Variants in CD180 observed in about 807,000 individuals in gnomAD.
CD180 encodes the protein CD180 molecule.
In CD180, 11 loss-of-function variants were observed where a neutral mutation model predicts 10.7. The ratio of observed to expected loss-of-function variants is 1.03; its 90% confidence interval spans 0.65 to 1.70. The LOEUF (loss-of-function observed/expected upper bound fraction) is 1.70, where lower values mean the gene tolerates loss of function less well. Ranked by LOEUF, CD180 falls within the 40% of genes most tolerant of loss-of-function variation. CD180 has a pLI of 0.00. For missense variants in CD180, 729 were observed against 775.2 expected (o/e 0.94, Z 0.71); for synonymous variants, 286 against 294.6 (o/e 0.97, Z 0.30).
At position 67,185,175 on chromosome 5, in the gene CD180, A is replaced by G. The variant is rs192469659; in HGVS notation, c.258-590T>C. Among the ~76,000 whole-genome samples the G allele has an allele frequency of 2.1e-3, 316 of 151,062 alleles. 5 individuals carry two copies. Among genetic ancestry groups the G allele is most frequent in the African/African-American group, 7.1e-3 (292 of 40,970 alleles). ...CTGGTGCTTTTAAAGATGAAGCGGT[A>G]GTATGGATGTGGACATCCTGTCCAC... On this transcript the variant is annotated intron_variant, in intron 2 of 2. Coordinates refer to ENST00000256447, the MANE Select transcript of CD180 (RefSeq NM_005582.3).
Position 67,183,245 on chromosome 5 carries a change from G to T in CD180, c.1598C>A (p.Thr533Lys). The change falls in exon 3 of 3, where the codon ACA becomes AAA. Residue 533 changes from threonine (T) to lysine (K), a missense_variant. Physicochemically the swap from Thr to Lys is moderately conservative, Grantham distance 78 (BLOSUM62 -1). Transcript: ENST00000256447. ...SHVDLSHNSL[T>K]CDSIDSLSHL... ...GCTAAGAGAATCAATGCTGTCGCAT[G>T]TCAGGCTGTTGTGGCTTAAGTCTAC... The T allele has an allele frequency of 1.9e-6, 3 of 1,614,146 alleles. No individual in the cohort carries two copies. Among genetic ancestry groups the T allele is most frequent in the Non-Finnish European group, 2.5e-6 (3 of 1,180,012 alleles).
rs768039902 is a variant in CD180, at chr5:67,182,881, G to A, written c.1962C>T (p.Leu654=). 2 of 1,608,616 alleles carry A rather than the reference G, an allele frequency of 1.2e-6. No homozygotes were observed. The highest frequency in any genetic ancestry group is 1.1e-5 in the South Asian group (1 of 90,294). The change falls in exon 3 of 3, where the codon CTC becomes CTT. Residue 654 remains leucine (L), a synonymous_variant. Coordinates refer to ENST00000256447, the MANE Select transcript of CD180 (RefSeq NM_005582.3). ...ILLFFAVKYL[L]RWKYQHI ...ACTAAATGTGTTGGTATTTCCACCTGAGAAGGTATTTAACTGCAAAAAATA... is the reference window on the plus strand; with the variant it reads ...ACTAAATGTGTTGGTATTTCCACCTAAGAAGGTATTTAACTGCAAAAAATA...
chr5:67,182,217 A>G lies in CD180; in HGVS notation c.*640T>C, dbSNP rs993259607. On this transcript the variant is annotated 3_prime_UTR_variant, in exon 3 of 3. Coordinates refer to ENST00000256447, the MANE Select transcript of CD180 (RefSeq NM_005582.3). ...TAGCCATTCACACCCTAGGGGCATT[A>G]CAGAGACCTTACAGACCTAAGGATT... The G allele has an allele frequency of 9.9e-5, 15 of 152,212 alleles. No individual in the cohort carries two copies. Among genetic ancestry groups the G allele is most frequent in the African/African-American group, 1.9e-4 (8 of 41,452 alleles). 9.4% of individuals were successfully genotyped at this position (152,212 alleles called of 1,614,324 possible). A position where few individuals can be genotyped will look rare whatever the true frequency, so the allele number is the denominator to read the frequency against.
intron 1 of CD180, 62 bp downstream of exon 1, chr5:67,196,490 G>A (rs577064696): frequency 2.0e-5 from 30 of 1,532,308 alleles, no homozygotes; most frequent in Middle Eastern, 1.7e-4. Context: ...ATTGGACTGC[G>A]TGCTAAATCT....
rs1742053512 is a variant in CD180 at position 67,181,846 on chromosome 5, A to C, written c.*1011T>G. The C allele has an allele frequency of 1.3e-5, 2 of 152,176 alleles. No individual in the cohort carries two copies. Among genetic ancestry groups the C allele is most frequent in the African/African-American group, 4.8e-5 (2 of 41,434 alleles). The allele number at this position is 152,176 out of a possible 1,614,324, so 9.4% of individuals were successfully genotyped here. A position where few individuals can be genotyped will look rare whatever the true frequency, so the allele number is the denominator to read the frequency against. The stretch of plus-strand genomic sequence containing the variant: ...CCAGCCTCAACAGAAACCACTTCTC[A>C]CTAAGCCAGCTTTACTGTGTTCCCA... On this transcript the variant is annotated 3_prime_UTR_variant, in exon 3 of 3. Transcript: ENST00000256447.
chr5:67,188,428 G>A (rs1420400810), intron 1 of CD180, among the ~76,000 whole-genome samples: 2 of 152,182 alleles, frequency 1.3e-5, no homozygotes, highest in Non-Finnish European at 2.9e-5. Flanking sequence ...GGACATCCCA[G>A]GACCTTGGGC....
At chr5:67,189,458 G>C (rs926447984) in intron 1 of CD180, among the ~76,000 whole-genome samples, 2 of 152,206 alleles carry the variant, frequency 1.3e-5, no homozygotes, top group African/African-American at 4.8e-5. Context: ...GCCACCATAA[G>C]CCTGTGCCAT....
At chr5:67,191,462 G>A (rs1379843406) in intron 1 of CD180, among the ~76,000 whole-genome samples, 6 of 152,164 alleles carry the variant, frequency 3.9e-5, no homozygotes, top group African/African-American at 1.2e-4. Context: ...TCAAAAAAGA[G>A]CTCTGCTAAC....
intron 1 of CD180, among the ~76,000 whole-genome samples, chr5:67,191,730 C>T (rs1021647568): frequency 1.3e-5 from 2 of 152,018 alleles, no homozygotes; most frequent in African/African-American, 2.4e-5. Context: ...TATATAGGGA[C>T]ACAAACATTC....
intron 1 of CD180, among the ~76,000 whole-genome samples, chr5:67,189,984 CA>C (rs1185627455): frequency 6.6e-6 from 1 of 152,102 alleles, no homozygotes; most frequent in Non-Finnish European, 1.5e-5. Flanking sequence ...CCAATTGTCC[CA>C]TTATTGTTCT....
chr5:67,191,034 G>A lies in CD180; in HGVS notation c.91-5017C>T, dbSNP rs1338234547. The stretch of plus-strand genomic sequence containing the variant: ...CCTCCAACGCTTCCTCATTAAGCAT[G>A]CCTCCATCCAAGATAGAGCAAGTCG... On this transcript the variant is annotated intron_variant, in intron 1 of 2. Coordinates refer to ENST00000256447, the MANE Select transcript of CD180 (RefSeq NM_005582.3). The A allele has an allele frequency of 2.2e-5, 22 of 985,300 alleles. 1 individual carries two copies. The South Asian group carries it at 8.9e-4, about 40-fold the overall frequency. The allele number at this position is 985,300 out of a possible 1,614,324, so 61.0% of individuals were successfully genotyped here. A position where few individuals can be genotyped will look rare whatever the true frequency, so the allele number is the denominator to read the frequency against.
intron 1 of CD180, among the ~76,000 whole-genome samples, chr5:67,190,172 C>T (rs1047279391): frequency 6.6e-6 from 1 of 152,126 alleles, no homozygotes; most frequent in African/African-American, 2.4e-5. Context: ...TTTGTATGTT[C>T]CTCATAATTT....
At chr5:67,195,964 A>C (rs1019381762) in intron 1 of CD180, among the ~76,000 whole-genome samples, 38 of 152,210 alleles carry the variant, frequency 2.5e-4, no homozygotes, top group African/African-American at 8.9e-4. Flanking sequence ...TATCCCCTCC[A>C]AGAACTTCCC....
At position 67,180,451 on chromosome 5, in the gene CD180, G is replaced by C. The variant is rs529098763; in HGVS notation, c.*2406C>G. On this transcript the variant is annotated 3_prime_UTR_variant, in exon 3 of 3. Transcript: ENST00000256447. ...TGCTGTCTAAGACTGGATTCTTAGAGTTTGGACCTTCCACATTTTACATGG... is the reference window on the plus strand; with the variant it reads ...TGCTGTCTAAGACTGGATTCTTAGACTTTGGACCTTCCACATTTTACATGG... 43 of 152,332 alleles carry C rather than the reference G, an allele frequency of 2.8e-4. No individual in the cohort carries two copies. In the East Asian group the frequency reaches 8.1e-3, roughly 29 times the overall value. 9.4% of individuals were successfully genotyped at this position (152,332 alleles called of 1,614,324 possible).
chr5:67,191,154 C>A (rs1385051095), intron 1 of CD180: 1 of 936,028 alleles, frequency 1.1e-6, no homozygotes, highest in Non-Finnish European at 1.3e-6. Flanking sequence ...CAATCTGATT[C>A]CTCCAGGCAA....
At position 67,184,066 on chromosome 5, in the gene CD180, A is replaced by G; in HGVS notation, c.777T>C (p.Asp259=). The change falls in exon 3 of 3, where the codon GAT becomes GAC. Residue 259 remains aspartate, a synonymous_variant. Transcript: ENST00000256447. The stretch of plus-strand genomic sequence containing the variant: ...GCATGGCTGAACTAATATCTTCGTC[A>G]TCAATGTCCTCAAATGTTCCCAGCC... ...SLWLGTFEDI[D]DEDISSAMLK... is the part of the protein sequence containing the mutation. 1 of 1,614,216 alleles carries G rather than the reference A, an allele frequency of 6.2e-7. No homozygotes were observed. The highest frequency in any genetic ancestry group is 8.5e-7 in the Non-Finnish European group (1 of 1,180,046).
Position 67,182,954 on chromosome 5 carries a change from A to G in CD180, c.1889T>C (p.Ile630Thr), listed in dbSNP as rs756092596. The part of the protein sequence containing the change: ...DVKLSCGITA[I>T]GIFFLIVFLL... ...AAATACTATGAGAAAGAAAATGCCT[A>G]TGGCTGTAATCCCACAGGAAAGCTT... The change falls in exon 3 of 3, where the codon ATA (isoleucine) becomes ACA (threonine). Residue 630 changes from isoleucine (I) to threonine (T), a missense_variant. Transcript: ENST00000256447. 3.1e-6 allele frequency: 5 copies of G among 1,614,028 alleles called. No homozygotes were observed. The African/African-American group carries it at 5.3e-5, about 17-fold the overall frequency.
chr5:67,185,137 A>C (rs1742160831), intron 2 of CD180, among the ~76,000 whole-genome samples: 1 of 146,442 alleles, frequency 6.8e-6, no homozygotes, highest in African/African-American at 2.6e-5. Context: ...ACTACGCACC[A>C]TGGAATCTCA....
rs1336295506 is a variant in CD180, at chr5:67,184,052, C to A, written c.791G>T (p.Ser264Ile). ...ACAGAGTCCCTTGAGCATGGCTGAA[C>A]TAATATCTTCGTCATCAATGTCCTC... ...TFEDIDDEDISSAMLKGLCEM... is the reference protein window; with the variant it reads ...TFEDIDDEDIISAMLKGLCEM... Residue 264 changes from serine to isoleucine, a missense_variant, in exon 3 of 3, where the codon AGT becomes ATT. Ser to Ile is a moderately radical substitution (Grantham distance 142). Transcript: ENST00000256447. The A allele has an allele frequency of 1.9e-6, 3 of 1,614,170 alleles. No individual in the cohort carries two copies. The highest frequency in any genetic ancestry group is 2.5e-6 in the Non-Finnish European group (3 of 1,180,024).
Sources: gnomAD v4.1 joint callset for allele counts (sites outside exome capture counted in the v4.1 genomes callset) on GRCh38, gnomAD v4.1.1 for gene constraint, MANE v1.5 for transcripts, NCBI Gene and HGNC (gene_info 2026-07-23, HGNC 2026-07-21) for gene names.